GABBR2: variants seen among roughly 807,000 people sequenced by gnomAD.
GABBR2 encodes gamma-aminobutyric acid type B receptor subunit 2.
Under a neutral mutation model 105.6 loss-of-function variants are expected in GABBR2, and 23 were observed. That is an observed-to-expected ratio of 0.22 (90% CI 0.16 to 0.31). The LOEUF (loss-of-function observed/expected upper bound fraction) is 0.31, where lower values mean the gene tolerates loss of function less well. Among genes scored for constraint, GABBR2 ranks in the 10% least tolerant of loss-of-function variants. The pLI, the probability that GABBR2 is intolerant of heterozygous loss-of-function variation, is 1.00. For missense variants in GABBR2, 734 were observed against 1,245.5 expected (o/e 0.59, Z 6.18); for synonymous variants, 478 against 499.7 (o/e 0.96, Z 0.58).
At chr9:98,439,778 G>T (rs1588162375) in intron 7 of GABBR2, among the ~76,000 whole-genome samples, 1 of 152,198 alleles carries the variant, frequency 6.6e-6, no homozygotes, top group Non-Finnish European at 1.5e-5. Flanking sequence ...GTGTTTGAGG[G>T]TCTAGAAGAC....
At chr9:98,313,441 G>T (rs1830665559) in intron 13 of GABBR2, among the ~76,000 whole-genome samples, 1 of 152,124 alleles carries the variant, frequency 6.6e-6, no homozygotes, top group East Asian at 1.9e-4. Flanking sequence ...GTTCTTGCTT[G>T]CCTTCCCCAT....
intron 1 of GABBR2, among the ~76,000 whole-genome samples, chr9:98,579,376 G>A (rs1023455878): frequency 5.3e-5 from 8 of 152,182 alleles, no homozygotes; most frequent in African/African-American, 1.9e-4. Context: ...TCAGGATTCA[G>A]TTCTGGCTCA....
chr9:98,330,881 C>A (rs955133214), intron 13 of GABBR2, among the ~76,000 whole-genome samples: 2 of 152,074 alleles, frequency 1.3e-5, no homozygotes, highest in Admixed American at 1.3e-4. Context: ...AAAAGAAACC[C>A]ATATCCATTA....
chr9:98,394,040 T>G, intron 9 of GABBR2, 135 bp downstream of exon 9: 1 of 651,272 alleles, frequency 1.5e-6, no homozygotes, highest in Non-Finnish European at 2.8e-6. Flanking sequence ...GCTCAACGAT[T>G]GAGTGCATGT....
At chr9:98,451,857 A>G (rs1826235670) in intron 7 of GABBR2, among the ~76,000 whole-genome samples, 1 of 151,902 alleles carries the variant, frequency 6.6e-6, no homozygotes, top group Non-Finnish European at 1.5e-5. Flanking sequence ...CTTGCTCACC[A>G]TGCTCCCTCT....
chr9:98,703,947 T>TTA (rs921245470), intron 1 of GABBR2, among the ~76,000 whole-genome samples: 293 of 151,608 alleles, frequency 1.9e-3, no homozygotes, highest in African/African-American at 6.8e-3. Flanking sequence ...AAAGAGTGAT[T>TTA]TATATATATA....
At chr9:98,588,625 T>C (rs1829106540) in intron 1 of GABBR2, among the ~76,000 whole-genome samples, 1 of 152,172 alleles carries the variant, frequency 6.6e-6, no homozygotes, top group Non-Finnish European at 1.5e-5. Flanking sequence ...TTGCACACAG[T>C]GAGTGAGGGG....
At chr9:98,535,078 C>T (rs1391534099) in intron 3 of GABBR2, among the ~76,000 whole-genome samples, 2 of 152,102 alleles carry the variant, frequency 1.3e-5, no homozygotes, top group African/African-American at 4.8e-5. Context: ...ATTCAACCAA[C>T]CATGAATTGA....
intron 6 of GABBR2, among the ~76,000 whole-genome samples, chr9:98,461,013 T>G (rs570660787): frequency 2.6e-4 from 40 of 152,232 alleles, no homozygotes; most frequent in Admixed American, 1.3e-3. Context: ...CAAAAGAAAA[T>G]TATAGGCCAT....
chr9:98,403,023 C>T (rs1321560700), intron 8 of GABBR2, among the ~76,000 whole-genome samples: 1 of 152,136 alleles, frequency 6.6e-6, no homozygotes, highest in Non-Finnish European at 1.5e-5. Context: ...AGGCCAGGCG[C>T]AGTGGCTCAC....
At chr9:98,633,361 G>A (rs1043300545) in intron 1 of GABBR2, among the ~76,000 whole-genome samples, 7 of 152,152 alleles carry the variant, frequency 4.6e-5, no homozygotes, top group African/African-American at 1.4e-4. Flanking sequence ...AGTGGCTTAC[G>A]CCCGTAATCC....
At chr9:98,492,967 G>A (rs1827209451) in intron 4 of GABBR2, among the ~76,000 whole-genome samples, 2 of 152,268 alleles carry the variant, frequency 1.3e-5, no homozygotes, top group Admixed American at 1.3e-4. Flanking sequence ...AACTTAAGAA[G>A]TGTGTAGTTA....
chr9:98,464,644 C>T (rs1165205616), intron 6 of GABBR2, among the ~76,000 whole-genome samples: 1 of 151,846 alleles, frequency 6.6e-6, no homozygotes, highest in Non-Finnish European at 1.5e-5. Context: ...CGAGAATGGG[C>T]CATGATGACG....
At chr9:98,346,596 C>T (rs1364213571) in intron 13 of GABBR2, among the ~76,000 whole-genome samples, 1 of 152,178 alleles carries the variant, frequency 6.6e-6, no homozygotes, top group African/African-American at 2.4e-5. Flanking sequence ...ATCCTCTCTT[C>T]TAGCTTTGTG....
intron 12 of GABBR2, among the ~76,000 whole-genome samples, chr9:98,366,372 T>C (rs1831676290): frequency 1.3e-5 from 2 of 152,134 alleles, no homozygotes; most frequent in African/African-American, 2.4e-5. Flanking sequence ...GAGGGTAAGG[T>C]AGAGAAGAGA....
At chr9:98,449,608 A>T (rs924162499) in intron 7 of GABBR2, among the ~76,000 whole-genome samples, 1 of 152,220 alleles carries the variant, frequency 6.6e-6, no homozygotes, top group Non-Finnish European at 1.5e-5. Context: ...GCCCTGGAAG[A>T]TTCTCATGCC....
chr9:98,422,710 A>G (rs1417951298), intron 7 of GABBR2, among the ~76,000 whole-genome samples: 2 of 151,662 alleles, frequency 1.3e-5, no homozygotes, highest in African/African-American at 2.4e-5. Flanking sequence ...TGCTGCACCC[A>G]TTAACTCGTC....
At chr9:98,291,542 C>T (rs748169993) in intron 18 of GABBR2, among the ~76,000 whole-genome samples, 23 of 152,178 alleles carry the variant, frequency 1.5e-4, no homozygotes, top group Non-Finnish European at 2.5e-4. Context: ...CAGGCTCTTC[C>T]AGCTTCTTTG....
At chr9:98,365,944 G>A (rs553802211) in intron 12 of GABBR2, among the ~76,000 whole-genome samples, 1 of 152,240 alleles carries the variant, frequency 6.6e-6, no homozygotes, top group Admixed American at 6.5e-5. Context: ...CTTCTCTCTG[G>A]GTTACGTCAG....
Sources: gnomAD v4.1 joint callset for allele counts (sites outside exome capture counted in the v4.1 genomes callset) on GRCh38, gnomAD v4.1.1 for gene constraint, MANE v1.5 for transcripts, NCBI Gene and HGNC (gene_info 2026-07-23, HGNC 2026-07-21) for gene names.